BLTP2: variants seen among roughly 807,000 people sequenced by gnomAD.
BLTP2 encodes U937-associated antigen.
At chr17:28,616,157 G>A in the BLTP2 span, 2 of 1,614,142 alleles carry the variant, frequency 1.2e-6, no homozygotes, top group Non-Finnish European at 1.7e-6. The surrounding 1 kb of genome is among the most constrained non-coding windows in gnomAD (Gnocchi z 4.8). Flanking sequence ...GTTGTTCATG[G>A]CAGCTCGCTC....
the BLTP2 span, chr17:28,640,286 G>A: frequency 5.9e-5 from 29 of 495,322 alleles, no homozygotes; most frequent in Middle Eastern, 1.2e-3. Flanking sequence ...CCAGCTATTC[G>A]GGAGGCTGAG....
At chr17:28,623,027 T>A in the BLTP2 span, among the ~76,000 whole-genome samples, 2 of 151,858 alleles carry the variant, frequency 1.3e-5, no homozygotes, top group Non-Finnish European at 2.9e-5. Flanking sequence ...GTGAGCTGAG[T>A]TCGCGCCATT....
At chr17:28,626,333 T>C in the BLTP2 span, among the ~76,000 whole-genome samples, 10 of 152,372 alleles carry the variant, frequency 6.6e-5, no homozygotes, top group East Asian at 1.3e-3. Context: ...TCTCCCTTAG[T>C]TACTCTCTGT....
the BLTP2 span, among the ~76,000 whole-genome samples, chr17:28,643,861 T>C: frequency 6.6e-6 from 1 of 152,246 alleles, no homozygotes; most frequent in African/African-American, 2.4e-5. Flanking sequence ...CTGGACACTC[T>C]GTGTCCTACA....
chr17:28,619,790 T>C, the BLTP2 span: 9 of 1,614,142 alleles, frequency 5.6e-6, no homozygotes, highest in South Asian at 6.6e-5. Context: ...GGAACCAGGA[T>C]AGAAACTGAG....
chr17:28,634,664 C>T, the BLTP2 span: 2 of 1,614,224 alleles, frequency 1.2e-6, no homozygotes, highest in Middle Eastern at 1.6e-4. Context: ...TCTGCCAGAG[C>T]TACCAGTTCT....
chr17:28,640,669 A>T, the BLTP2 span: 36 of 1,613,990 alleles, frequency 2.2e-5, no homozygotes, highest in Non-Finnish European at 2.8e-5. Flanking sequence ...GGCTCAACTA[A>T]GTTTTCTGTC....
chr17:28,622,719 G>A, the BLTP2 span, among the ~76,000 whole-genome samples: 7 of 152,178 alleles, frequency 4.6e-5, no homozygotes, highest in African/African-American at 1.2e-4. Context: ...TAACAACCAC[G>A]CAATGCAAAG....
At chr17:28,639,686 G>T in the BLTP2 span, 3 of 1,578,324 alleles carry the variant, frequency 1.9e-6, no homozygotes, top group Non-Finnish European at 2.6e-6. Flanking sequence ...CACTGGAAGG[G>T]CAAGAGGTAA....
At chr17:28,639,383 G>C in the BLTP2 span, 1 of 1,614,044 alleles carries the variant, frequency 6.2e-7, no homozygotes. Flanking sequence ...GGTGCAGCCA[G>C]TGAGAGAATT....
At chr17:28,620,079 A>G in the BLTP2 span, 1 of 1,472,636 alleles carries the variant, frequency 6.8e-7, no homozygotes. Flanking sequence ...GTAAAGTGAA[A>G]TAGAGAAAGG....
chr17:28,621,504 G>A, the BLTP2 span: 10 of 1,610,598 alleles, frequency 6.2e-6, no homozygotes, highest in Admixed American at 1.7e-4. Flanking sequence ...TTCACCTGAA[G>A]AAAGAGATGC....
chr17:28,643,795 G>T, the BLTP2 span: 1 of 941,068 alleles, frequency 1.1e-6, no homozygotes, highest in Non-Finnish European at 1.7e-6. Flanking sequence ...TCTTAAATTA[G>T]AACAGTAAAA....
the BLTP2 span, chr17:28,634,692 AG>A: frequency 6.2e-7 from 1 of 1,614,196 alleles, no homozygotes. Flanking sequence ...CTAAGCTCCA[AG>A]TAAGCAGTGC....
the BLTP2 span, chr17:28,618,596 T>C: frequency 4.2e-6 from 2 of 481,556 alleles, no homozygotes; most frequent in South Asian, 3.7e-5. Flanking sequence ...ATGTGTATCA[T>C]TCATTATAAA....
At chr17:28,639,747 A>T in the BLTP2 span, 2 of 1,415,432 alleles carry the variant, frequency 1.4e-6, no homozygotes, top group Non-Finnish European at 2.0e-6. Flanking sequence ...CTGTCATCAA[A>T]ACTTGTGAGC....
chr17:28,638,035 A>G, the BLTP2 span: 1 of 1,614,244 alleles, frequency 6.2e-7, no homozygotes, highest in South Asian at 1.1e-5. Context: ...GAATGGTACA[A>G]TCAAGAAAAA....
At chr17:28,634,491 C>G in the BLTP2 span, 7 of 1,591,168 alleles carry the variant, frequency 4.4e-6, no homozygotes, top group Non-Finnish European at 6.0e-6. Context: ...AACACGGGGT[C>G]TGCAAATAAA....
chr17:28,627,516 C>A, the BLTP2 span, among the ~76,000 whole-genome samples: 1 of 151,962 alleles, frequency 6.6e-6, no homozygotes, highest in African/African-American at 2.4e-5. Flanking sequence ...ATGCCATTCT[C>A]CTGCCTCAGC....
Sources: gnomAD v4.1 joint callset for allele counts (sites outside exome capture counted in the v4.1 genomes callset) on GRCh38, gnomAD v4.1.1 for gene constraint, Gnocchi (gnomAD v3.1) non-coding constraint, MANE v1.5 for transcripts, NCBI Gene and HGNC (gene_info 2026-07-23, HGNC 2026-07-21) for gene names.